ZBTB20: variants seen among roughly 807,000 people sequenced by gnomAD.
ZBTB20 encodes zinc finger and BTB domain-containing protein 20.
In ZBTB20, 9 loss-of-function variants were observed where a neutral mutation model predicts 56.9. That is an observed-to-expected ratio of 0.16 (90% CI 0.10 to 0.28). The LOEUF (loss-of-function observed/expected upper bound fraction) is 0.28. Among genes scored for constraint, ZBTB20 ranks in the 10% least tolerant of loss-of-function variants. The probability of loss-of-function intolerance (pLI) is 1.00; values close to 1 mark genes in which losing one functional copy is unlikely to be tolerated. For missense variants in ZBTB20, 655 were observed against 1,003.0 expected (o/e 0.65, Z 4.69); for synonymous variants, 417 against 420.7 (o/e 0.99, Z 0.11).
intron 7 of ZBTB20, among the ~76,000 whole-genome samples, chr3:114,431,010 G>A (rs1399116183): frequency 2.6e-5 from 4 of 152,152 alleles, no homozygotes; most frequent in African/African-American, 4.8e-5. Context: ...GTTTCTCCTC[G>A]TGCTAAGCTG....
intron 6 of ZBTB20, among the ~76,000 whole-genome samples, chr3:114,510,629 T>C (rs1270781641): frequency 6.6e-6 from 1 of 152,072 alleles, no homozygotes; most frequent in Non-Finnish European, 1.5e-5. Flanking sequence ...TCTGCCCTAA[T>C]CAAAACAGCA....
chr3:114,647,316 A>C (rs955512631), intron 6 of ZBTB20, among the ~76,000 whole-genome samples: 20 of 152,320 alleles, frequency 1.3e-4, no homozygotes, highest in African/African-American at 4.8e-4. Flanking sequence ...CTTGGGAATA[A>C]AGGTAAAATT....
intron 5 of ZBTB20, among the ~76,000 whole-genome samples, chr3:114,797,316 C>T (rs1005727480): frequency 6.6e-6 from 1 of 151,676 alleles, no homozygotes; most frequent in African/African-American, 2.4e-5. Flanking sequence ...AAAACTGATC[C>T]TCCCATACAT....
At chr3:114,402,959 A>C (rs1576606624) in intron 7 of ZBTB20, among the ~76,000 whole-genome samples, 1 of 152,254 alleles carries the variant, frequency 6.6e-6, no homozygotes, top group Middle Eastern at 3.4e-3. Context: ...TCTGGCACCT[A>C]AGCAAGGACT....
At chr3:114,674,435 A>G (rs1265020131) in intron 6 of ZBTB20, among the ~76,000 whole-genome samples, 5 of 152,216 alleles carry the variant, frequency 3.3e-5, no homozygotes, top group Non-Finnish European at 7.4e-5. Flanking sequence ...CTTACATGCA[A>G]TAAAGTTTGC....
At chr3:114,371,884 G>C (rs1338365580) in intron 10 of ZBTB20, among the ~76,000 whole-genome samples, 3 of 144,976 alleles carry the variant, frequency 2.1e-5, no homozygotes, top group Non-Finnish European at 3.0e-5. Context: ...TCCTCAGAGA[G>C]AACAAATGAT....
intron 7 of ZBTB20, among the ~76,000 whole-genome samples, chr3:114,490,500 C>T (rs1461368636): frequency 1.3e-5 from 2 of 152,226 alleles, no homozygotes; most frequent in Middle Eastern, 3.4e-3. Context: ...GGATTACAGG[C>T]GTGAGATCCC....
In ZBTB20 at chr3:114,316,411, G is replaced by T. The variant is rs926967231; in HGVS notation, c.*22594C>A. 4 of 457,628 alleles carry T rather than the reference G, an allele frequency of 8.7e-6. No homozygotes were observed. In the Admixed American group the frequency reaches 1.0e-4, roughly 12 times the overall value. The allele number at this position is 457,628 out of a possible 1,614,324, so 28.3% of individuals were successfully genotyped here. On this transcript the variant is annotated 3_prime_UTR_variant, in exon 12 of 12. Coordinates refer to ENST00000675478, the MANE Select transcript of ZBTB20 (RefSeq NM_001348800.3). Reference sequence around the variant, plus strand: ...TGCTGTTTGTGTAGCATCTGGTTTTGTAATGAGCATCTGGATTTGTAATGA... The same window carrying T: ...TGCTGTTTGTGTAGCATCTGGTTTTTTAATGAGCATCTGGATTTGTAATGA...
intron 3 of ZBTB20, among the ~76,000 whole-genome samples, chr3:114,971,833 C>T (rs2077896399): frequency 6.6e-6 from 1 of 152,142 alleles, no homozygotes; most frequent in Non-Finnish European, 1.5e-5. Flanking sequence ...TTATTTATGG[C>T]AGGTATGTAA....
chr3:114,732,739 A>G (rs2065851352), intron 5 of ZBTB20, among the ~76,000 whole-genome samples: 1 of 152,204 alleles, frequency 6.6e-6, no homozygotes, highest in South Asian at 2.1e-4. Context: ...TACCTAATCA[A>G]GAAAAGTTGC....
intron 2 of ZBTB20, among the ~76,000 whole-genome samples, chr3:115,033,490 C>T (rs1055637384): frequency 4.6e-5 from 7 of 151,468 alleles, no homozygotes; most frequent in African/African-American, 1.7e-4. Flanking sequence ...AATTGAGCTA[C>T]CACATGATCC....
intron 4 of ZBTB20, among the ~76,000 whole-genome samples, chr3:114,871,927 C>T (rs943100697): frequency 2.0e-5 from 3 of 152,060 alleles, no homozygotes; most frequent in East Asian, 1.9e-4. Context: ...TTCTTGTCTT[C>T]GTTTCTGTCT....
intron 10 of ZBTB20, among the ~76,000 whole-genome samples, chr3:114,363,643 C>T (rs2082104819): frequency 6.6e-6 from 1 of 152,148 alleles, no homozygotes; most frequent in Admixed American, 6.5e-5. Context: ...ATATGAGGCA[C>T]ACAAGGTTCC....
At chr3:114,512,238 C>A (rs1356250290) in intron 6 of ZBTB20, among the ~76,000 whole-genome samples, 1 of 152,110 alleles carries the variant, frequency 6.6e-6, no homozygotes, top group Non-Finnish European at 1.5e-5. Flanking sequence ...TGTTAAATAT[C>A]AACTCTTTCA....
At chr3:114,405,122 A>T (rs1156930972) in intron 7 of ZBTB20, among the ~76,000 whole-genome samples, 1 of 152,136 alleles carries the variant, frequency 6.6e-6, no homozygotes, top group African/African-American at 2.4e-5. Flanking sequence ...AACAAGCCCA[A>T]TATAGAAGCT....
At chr3:114,737,834 C>T (rs1454323583) in intron 5 of ZBTB20, among the ~76,000 whole-genome samples, 1 of 152,160 alleles carries the variant, frequency 6.6e-6, no homozygotes, top group African/African-American at 2.4e-5. Context: ...TGGAAACCTA[C>T]ATTTAGTTAT....
intron 11 of ZBTB20, among the ~76,000 whole-genome samples, chr3:114,340,120 G>T (rs919161398): frequency 6.6e-6 from 1 of 151,812 alleles, no homozygotes; most frequent in Non-Finnish European, 1.5e-5. Context: ...TGGCCTCATC[G>T]GGTGTAGAGG....
intron 4 of ZBTB20, among the ~76,000 whole-genome samples, chr3:114,855,660 T>G (rs759504175): frequency 6.6e-6 from 1 of 152,028 alleles, no homozygotes; most frequent in Non-Finnish European, 1.5e-5. Context: ...GACAGAAGTA[T>G]TTAAAAAGGA....
At chr3:114,968,832 TTACAAAAC>T (rs746606415) in intron 3 of ZBTB20, among the ~76,000 whole-genome samples, 3 of 152,198 alleles carry the variant, frequency 2.0e-5, no homozygotes, top group Non-Finnish European at 4.4e-5. Context: ...TAAGCCAGGT[TTACAAAAC>T]TGTTTACGAC....
Sources: allele counts gnomAD v4.1 joint callset (sites outside exome capture counted in the v4.1 genomes callset), GRCh38; gene constraint gnomAD v4.1.1; transcripts MANE v1.5; gene names NCBI Gene and HGNC (gene_info 2026-07-23, HGNC 2026-07-21).